The following SRCIN1 variants were observed in gnomAD, a reference collection of about 807,000 sequenced individuals.
The protein encoded by SRCIN1 is SRC kinase signaling inhibitor 1.
SRCIN1 carries 50 observed loss-of-function variants against 116.2 expected under a neutral mutation model. The ratio of observed to expected loss-of-function variants is 0.43; its 90% confidence interval spans 0.34 to 0.54. The LOEUF (loss-of-function observed/expected upper bound fraction) is 0.54. SRCIN1 is among the 20% of genes least tolerant of loss of function. The probability of loss-of-function intolerance (pLI) is 0.02; values close to 1 mark genes in which losing one functional copy is unlikely to be tolerated. For missense variants in SRCIN1, 1,446 were observed against 1,672.0 expected, an observed-to-expected ratio of 0.86 and a Z score of 2.36; for synonymous variants, 736 against 750.0, an observed-to-expected ratio of 0.98 and a Z score of 0.30.
rs1906504742 is a variant in SRCIN1, at chr17:38,564,212, C to T, written c.447G>A (p.Glu149=). Residue 149 remains glutamate (E), a synonymous_variant, in exon 4 of 19, where the codon GAG becomes GAA. Coordinates refer to ENST00000617146, the MANE Select transcript of SRCIN1 (RefSeq NM_025248.3). The part of the protein sequence containing the change: ...ASAESLETMS[E]AELPLGFSRM... ...TGCTGAAGCCCAGGGGCAGCTCGGC[C>T]TCCGACATGGTCTCCAGCGACTCGG... The T allele has an allele frequency of 5.7e-6, 9 of 1,584,926 alleles. No homozygotes were observed. In the South Asian group the frequency reaches 6.9e-5, roughly 12 times the overall value.
Position 38,601,638 on chromosome 17 carries a change from G to GCACA in SRCIN1, c.22+4042_22+4045dup, listed in dbSNP as rs35202404. 8.0e-3 allele frequency among the ~76,000 whole-genome samples: 1,108 copies of GCACA among 137,778 alleles called. 4 individuals carry two copies. The highest frequency in any genetic ancestry group is 0.012 in the Non-Finnish European group (737 of 60,444). The allele number at this position is 137,778 out of a possible 152,430, so 90.4% of individuals were successfully genotyped here. On this transcript the variant is annotated intron_variant, in intron 1 of 18. Coordinates refer to ENST00000617146, the MANE Select transcript of SRCIN1 (RefSeq NM_025248.3). ...GCGCCCTCAACACATACACACACAC[G>GCACA]CACACACACACACACGCTCGCGCGC... is the stretch of plus-strand genomic sequence containing the variant.
intron 1 of SRCIN1, among the ~76,000 whole-genome samples, chr17:38,583,544 TTC>T (rs1311869499): frequency 6.1e-5 from 8 of 130,184 alleles, no homozygotes; most frequent in African/African-American, 2.5e-4. Context: ...TTTTTTCATT[TTC>T]TGTTTTTTTT....
chr17:38,567,009 C>T (rs955520643), intron 3 of SRCIN1, among the ~76,000 whole-genome samples: 2 of 151,750 alleles, frequency 1.3e-5, no homozygotes, highest in Non-Finnish European at 2.9e-5. Flanking sequence ...CAGGCTGGAG[C>T]GCAGAGGTGC....
At chr17:38,606,440 C>G (rs1222311881), upstream of SRCIN1, among the ~76,000 whole-genome samples, 1 of 152,130 alleles carries the variant, frequency 6.6e-6, no homozygotes, top group African/African-American at 2.4e-5. This position sits in a 1 kb window ranked among gnomAD's most constrained non-coding sequence, Gnocchi z 5.2. Flanking sequence ...GGATCCTCCT[C>G]TGCTTCTGCC....
rs374233474 is a variant in SRCIN1 at position 38,605,676 on chromosome 17, G to A, written c.22+8C>T. On this transcript the variant is annotated splice_region_variant and intron_variant, in intron 1 of 18. Transcript: ENST00000617146. ...GGCACATTAGGGAGGAGAGAGACAG[G>A]GACATGCCTTGGGACGGAGCGTTCC... 7.8e-5 allele frequency: 105 copies of A among 1,354,288 alleles called. No individual in the cohort carries two copies. In the African/African-American group the frequency reaches 1.6e-3, roughly 20 times the overall value. 83.9% of individuals were successfully genotyped at this position (1,354,288 alleles called of 1,614,324 possible).
In SRCIN1 at chr17:38,537,990, C is replaced by T. The variant is rs1597877481; in HGVS notation, c.3418-4559G>A. On this transcript the variant is annotated intron_variant, in intron 18 of 18. Transcript: ENST00000617146. ...TGGCAGGCACCTGTAATCCCAGCTACTCGGGAGGCTGAGGCAGGAGAACTG... is the reference window on the plus strand; with the variant it reads ...TGGCAGGCACCTGTAATCCCAGCTATTCGGGAGGCTGAGGCAGGAGAACTG... Among the ~76,000 whole-genome samples, 4 of 146,650 alleles carry T rather than the reference C, an allele frequency of 2.7e-5. No homozygotes were observed. In the South Asian group the frequency reaches 8.7e-4, roughly 32 times the overall value.
At chr17:38,595,419 C>T (rs570538059) in intron 1 of SRCIN1, among the ~76,000 whole-genome samples, 40 of 152,224 alleles carry the variant, frequency 2.6e-4, no homozygotes, top group South Asian at 4.1e-4. Flanking sequence ...GGTTTCACCA[C>T]GTTTGCCAGG....
At chr17:38,601,464 C>T (rs1909016728) in intron 1 of SRCIN1, among the ~76,000 whole-genome samples, 1 of 151,822 alleles carries the variant, frequency 6.6e-6, no homozygotes, top group South Asian at 2.1e-4. Context: ...CCTGGGGGGC[C>T]GCGCGGTTGG....
At chr17:38,569,067 G>A (rs1462031533) in intron 2 of SRCIN1, among the ~76,000 whole-genome samples, 1 of 152,158 alleles carries the variant, frequency 6.6e-6, no homozygotes. Flanking sequence ...TGGGGAGCTG[G>A]GGGCAGTGAA....
rs552098661 is a variant in SRCIN1, at chr17:38,543,989, G to C, written c.3271-20C>G. ...GCCACTCTGCAGGAAGAGGAACAGG[G>C]TTGCAGTTGCAGAGTCCACATGGGG... On this transcript the variant is annotated intron_variant, in intron 17 of 18. Coordinates refer to ENST00000617146, the MANE Select transcript of SRCIN1 (RefSeq NM_025248.3). 30 of 1,562,624 alleles carry C rather than the reference G, an allele frequency of 1.9e-5. No individual in the cohort carries two copies. The East Asian group carries it at 6.3e-4, about 33-fold the overall frequency.
rs1028652236 is a variant in SRCIN1 at position 38,562,293 on chromosome 17, G to A, written c.870C>T (p.Pro290=). ...GTGACAGGTTGTTGAGGCGCCGCGTGGGCGAGGACTCCCGCGATGCGTACA... is the reference window on the plus strand; with the variant it reads ...GTGACAGGTTGTTGAGGCGCCGCGTAGGCGAGGACTCCCGCGATGCGTACA... ...EMVYASRESS[P]TRRLNNLSPA... Residue 290 remains proline (P), a synonymous_variant, in exon 7 of 19, where the codon CCC becomes CCT. Transcript: ENST00000617146. The surrounding 1 kb of genome is among the most constrained non-coding windows in gnomAD (Gnocchi z 4.2). The A allele has an allele frequency of 2.7e-6, 4 of 1,478,532 alleles. No individual in the cohort carries two copies. Among genetic ancestry groups the A allele is most frequent in the African/African-American group, 1.5e-5 (1 of 67,800 alleles). The allele number at this position is 1,478,532 out of a possible 1,614,324, so 91.6% of individuals were successfully genotyped here. A position where few individuals can be genotyped will look rare whatever the true frequency, so the allele number is the denominator to read the frequency against.
chr17:38,557,260 C>T (rs1244152031), intron 11 of SRCIN1, among the ~76,000 whole-genome samples: 1 of 152,256 alleles, frequency 6.6e-6, no homozygotes, highest in Admixed American at 6.5e-5. Context: ...AGCTGGGCTC[C>T]AAGGAGCAGC....
At chr17:38,545,074 T>C (rs1221210688) in intron 17 of SRCIN1, 2 of 152,660 alleles carry the variant, frequency 1.3e-5, no homozygotes, top group East Asian at 3.9e-4. Context: ...TTGGGCATCA[T>C]GTCCAGAGTC....
intron 11 of SRCIN1, among the ~76,000 whole-genome samples, chr17:38,555,755 C>T (rs187483459): frequency 1.3e-5 from 2 of 152,328 alleles, no homozygotes; most frequent in Admixed American, 6.5e-5. Context: ...CCAATCCATA[C>T]ACTGTCCTAG....
rs767903662 is a variant in SRCIN1 at position 38,552,067 on chromosome 17, G to A, written c.2546C>T (p.Thr849Met). 66 of 1,613,692 alleles carry A rather than the reference G, an allele frequency of 4.1e-5. No homozygotes were observed. The highest frequency in any genetic ancestry group is 2.0e-4 in the East Asian group (9 of 44,870). ...GCTCTTGTTGAAGTCAGTCTCTGCCGTCACCTTCTTGGGGGACTGACTCAG... is the reference window on the plus strand; with the variant it reads ...GCTCTTGTTGAAGTCAGTCTCTGCCATCACCTTCTTGGGGGACTGACTCAG... ...NLLSQSPKKV[T>M]AETDFNKSVD... Residue 849 changes from threonine (T) to methionine (M), a missense_variant, in exon 14 of 19, where the codon ACG becomes ATG. Thr to Met is a moderately conservative substitution (Grantham distance 81). Transcript: ENST00000617146. The surrounding 1 kb of genome is among the most constrained non-coding windows in gnomAD (Gnocchi z 5.3).
At chr17:38,548,267 A>G (rs534335609) in intron 17 of SRCIN1, among the ~76,000 whole-genome samples, 3 of 152,280 alleles carry the variant, frequency 2.0e-5, no homozygotes, top group African/African-American at 7.2e-5. Context: ...TGATCTCAGA[A>G]TCTTCGGATA....
At position 38,563,070 on chromosome 17, in the gene SRCIN1, A is replaced by G; in HGVS notation, c.741-150T>C. The stretch of plus-strand genomic sequence containing the variant: ...CCTGCACACACGCCCAGCAGCCTCC[A>G]CCCCGGCCTCTTCCTGGCCTCCGGC... On this transcript the variant is annotated intron_variant, in intron 5 of 18. Coordinates refer to ENST00000617146, the MANE Select transcript of SRCIN1 (RefSeq NM_025248.3). The surrounding 1 kb of genome is among the most constrained non-coding windows in gnomAD (Gnocchi z 5.8). The G allele has an allele frequency of 1.2e-6, 1 of 801,838 alleles. No individual in the cohort carries two copies. The highest frequency in any genetic ancestry group is 2.0e-6 in the Non-Finnish European group (1 of 503,980). 49.7% of individuals were successfully genotyped at this position (801,838 alleles called of 1,614,324 possible). A position where few individuals can be genotyped will look rare whatever the true frequency, so the allele number is the denominator to read the frequency against.
rs1904925606 is a variant in SRCIN1 at position 38,544,063 on chromosome 17, C to T, written c.3271-94G>A. 7.0e-7 allele frequency: 1 copy of T among 1,433,576 alleles called. No individual in the cohort carries two copies. The highest frequency in any genetic ancestry group is 9.3e-7 in the Non-Finnish European group (1 of 1,078,570). The allele number at this position is 1,433,576 out of a possible 1,614,324, so 88.8% of individuals were successfully genotyped here. A position where few individuals can be genotyped will look rare whatever the true frequency, so the allele number is the denominator to read the frequency against. On this transcript the variant is annotated intron_variant, in intron 17 of 18. Transcript: ENST00000617146. The surrounding 1 kb of genome is among the most constrained non-coding windows in gnomAD (Gnocchi z 4.5). ...CTGGGTGGGGTCTCGGGGCTGGGAC[C>T]TCCTCAGTGGGGCCCTTTGAGACCT...
chr17:38,568,454 G>A lies in SRCIN1; in HGVS notation c.325-223C>T, dbSNP rs760527879. Among the ~76,000 whole-genome samples the A allele has an allele frequency of 6.6e-6, 1 of 152,212 alleles. No homozygotes were observed. On this transcript the variant is annotated intron_variant, in intron 2 of 18. Coordinates refer to ENST00000617146, the MANE Select transcript of SRCIN1 (RefSeq NM_025248.3). This position sits in a 1 kb window ranked among gnomAD's most constrained non-coding sequence, Gnocchi z 4.5. ...GATGGCCCTGAGCAGGCGCTACAGCGACTCCTCGCAGAGTTACTGGTGGGA... is the reference window on the plus strand; with the variant it reads ...GATGGCCCTGAGCAGGCGCTACAGCAACTCCTCGCAGAGTTACTGGTGGGA...
Sources: gnomAD v4.1 joint callset for allele counts (sites outside exome capture counted in the v4.1 genomes callset) on GRCh38, gnomAD v4.1.1 for gene constraint, Gnocchi (gnomAD v3.1) non-coding constraint, MANE v1.5 for transcripts, NCBI Gene and HGNC (gene_info 2026-07-23, HGNC 2026-07-21) for gene names.